Variants in MGST1 observed in about 807,000 individuals in gnomAD.
MGST1 encodes the protein microsomal glutathione S-transferase 1.
MGST1 carries 5 observed loss-of-function variants against 8.9 expected under a neutral mutation model. That is an observed-to-expected ratio of 0.56 (90% CI 0.29 to 1.19). The LOEUF (loss-of-function observed/expected upper bound fraction) is 1.19, where lower values mean the gene tolerates loss of function less well. MGST1 is among the 50% of genes most tolerant of loss of function. The probability of loss-of-function intolerance (pLI) is 0.08; values close to 1 mark genes in which losing one functional copy is unlikely to be tolerated. For synonymous variants in MGST1, 54 were observed against 67.8 expected (o/e 0.80, Z 1.00); for missense variants, 182 against 187.4 (o/e 0.97, Z 0.17).
At chr12:16,499,724 C>A (rs1378097071) in intron 4 of MGST1, among the ~76,000 whole-genome samples, 1 of 151,444 alleles carries the variant, frequency 6.6e-6, no homozygotes, top group Non-Finnish European at 1.5e-5. Context: ...ATCTTGTTTT[C>A]ATTTGCTCAA....
chr12:16,363,629 G>A lies in MGST1; in HGVS notation c.222-166G>A. 2.0e-6 allele frequency: 1 copy of A among 493,804 alleles called. No homozygotes were observed. Among genetic ancestry groups the A allele is most frequent in the Non-Finnish European group, 3.3e-6 (1 of 300,422 alleles). 30.6% of individuals were successfully genotyped at this position (493,804 alleles called of 1,614,324 possible). ...AAATAATGAGAGATTCTAAATAAAA[G>A]TCAAGTGGGCAAGGAAGCAAGACAA... On this transcript the variant is annotated intron_variant, in intron 3 of 3. Transcript: ENST00000396210. The surrounding 1 kb of genome is among the most constrained non-coding windows in gnomAD (Gnocchi z 4.6).
rs1942323051 is a variant in MGST1 at position 16,559,805 on chromosome 12, A to C, written n.483-29723A>C. Among the ~76,000 whole-genome samples, 1 of 151,596 alleles carries C rather than the reference A, an allele frequency of 6.6e-6. No individual in the cohort carries two copies. Among genetic ancestry groups the C allele is most frequent in the Non-Finnish European group, 1.5e-5 (1 of 67,894 alleles). Reference sequence around the variant, plus strand: ...ATCATCTCTATAAAAAATGAAAAAAAAAAAAAATTAGCCAGGCATGGGAGT... The same window carrying C: ...ATCATCTCTATAAAAAATGAAAAAACAAAAAAATTAGCCAGGCATGGGAGT... On this transcript the variant is annotated intron_variant and non_coding_transcript_variant, in intron 4 of 4. Transcript: ENST00000538857. The surrounding 1 kb of genome is among the most constrained non-coding windows in gnomAD (Gnocchi z 4.1).
At chr12:16,499,568 A>ACTGCATTCGGTG (rs1941491896) in intron 4 of MGST1, among the ~76,000 whole-genome samples, 1 of 152,066 alleles carries the variant, frequency 6.6e-6, no homozygotes, top group Non-Finnish European at 1.5e-5. Context: ...GGGTGCCATT[A>ACTGCATTCGGTG]CCAATATCTG....
At position 16,513,711 on chromosome 12, in the gene MGST1, A is replaced by C. The variant is rs572970473; in HGVS notation, n.483-75817A>C. The C allele has an allele frequency of 4.0e-5, 22 of 556,890 alleles. No homozygotes were observed. Among genetic ancestry groups the C allele is most frequent in the Admixed American group, 1.4e-4 (7 of 50,664 alleles). 34.5% of individuals were successfully genotyped at this position (556,890 alleles called of 1,614,324 possible). A position where few individuals can be genotyped will look rare whatever the true frequency, so the allele number is the denominator to read the frequency against. On this transcript the variant is annotated intron_variant and non_coding_transcript_variant, in intron 4 of 4. Transcript: ENST00000538857. The surrounding 1 kb of genome is among the most constrained non-coding windows in gnomAD (Gnocchi z 4.2). ...TGGCTGAATTTTGCAAGGCATCTGC[A>C]GAAGTAGCCTTGGGCGAGAATAGCG...
intron 4 of MGST1, among the ~76,000 whole-genome samples, chr12:16,501,704 T>C (rs2137168704): frequency 6.6e-6 from 1 of 152,302 alleles, no homozygotes; most frequent in Non-Finnish European, 1.5e-5. Flanking sequence ...TACTGTGTAA[T>C]GAAAATTCTT....
At chr12:16,426,800 A>G (rs1940893146) in intron 1 of MGST1, among the ~76,000 whole-genome samples, 1 of 151,850 alleles carries the variant, frequency 6.6e-6, no homozygotes, top group Non-Finnish European at 1.5e-5. Flanking sequence ...AAATACAAAA[A>G]CAACAACAAC....
intron 4 of MGST1, chr12:16,551,413 T>G: frequency 2.5e-6 from 2 of 796,378 alleles, no homozygotes; most frequent in Non-Finnish European, 4.2e-6. Flanking sequence ...TATTAATAGT[T>G]TCGCATGGTA....
intron 4 of MGST1, among the ~76,000 whole-genome samples, chr12:16,535,032 G>A (rs1156285858): frequency 6.6e-6 from 1 of 152,176 alleles, no homozygotes; most frequent in Non-Finnish European, 1.5e-5. Flanking sequence ...GACACTGAGT[G>A]CAGTGCCTGC....
intron 4 of MGST1, among the ~76,000 whole-genome samples, chr12:16,457,014 G>T (rs74740083): frequency 0.032 from 4,890 of 151,868 alleles, 215 homozygotes; most frequent in African/African-American, 0.1. Context: ...AACCTGACTT[G>T]TCACTCCGTG....
At chr12:16,520,250 G>A (rs976478273) in intron 4 of MGST1, among the ~76,000 whole-genome samples, 2 of 151,966 alleles carry the variant, frequency 1.3e-5, no homozygotes, top group Non-Finnish European at 2.9e-5. Flanking sequence ...TTAAAAGTTG[G>A]AAAACTAAAT....
intron 1 of MGST1, chr12:16,400,569 A>C (rs1264523273): frequency 1.1e-6 from 1 of 922,938 alleles, no homozygotes; most frequent in Admixed American, 1.7e-5. Flanking sequence ...TTCGGAAAGC[A>C]TTCTGAAGGT....
intron 4 of MGST1, among the ~76,000 whole-genome samples, chr12:16,528,789 A>G (rs558994569): frequency 1.2e-4 from 18 of 152,156 alleles, no homozygotes; most frequent in African/African-American, 3.6e-4. Flanking sequence ...TTACCATAAC[A>G]TATATAAGTA....
At chr12:16,506,722 G>A (rs1941539608) in intron 4 of MGST1, among the ~76,000 whole-genome samples, 1 of 152,112 alleles carries the variant, frequency 6.6e-6, no homozygotes, top group Admixed American at 6.6e-5. Flanking sequence ...GTAACAGAGA[G>A]CAAGCTTAAA....
chr12:16,446,393 G>A (rs1941079798), intron 4 of MGST1, among the ~76,000 whole-genome samples: 1 of 151,906 alleles, frequency 6.6e-6, no homozygotes, highest in Non-Finnish European at 1.5e-5. Flanking sequence ...TCCAGGAAAT[G>A]GAGAAATGAC....
intron 4 of MGST1, among the ~76,000 whole-genome samples, chr12:16,525,682 T>C (rs1941681744): frequency 6.7e-6 from 1 of 148,188 alleles, no homozygotes; most frequent in Non-Finnish European, 1.5e-5. Flanking sequence ...CTGGGTCAAA[T>C]GGTATTTCTA....
At chr12:16,578,113 A>G (rs1943050052) in intron 4 of MGST1, among the ~76,000 whole-genome samples, 1 of 152,160 alleles carries the variant, frequency 6.6e-6, no homozygotes, top group South Asian at 2.1e-4. Context: ...ATCGCCTCCC[A>G]GAAGTCTTGC....
chr12:16,401,565 A>G lies in MGST1; in HGVS notation n.778+17961A>G. The G allele has an allele frequency of 8.2e-7, 1 of 1,221,268 alleles. No homozygotes were observed. Among genetic ancestry groups the G allele is most frequent in the Non-Finnish European group, 1.2e-6 (1 of 825,210 alleles). 75.7% of individuals were successfully genotyped at this position (1,221,268 alleles called of 1,614,324 possible). ...GAGGATCAGCCATCAAAGTGCGAAC[A>G]GGTTGGAGCAATAAGACTCGAAGCG... is the stretch of plus-strand genomic sequence containing the variant. On this transcript the variant is annotated intron_variant and non_coding_transcript_variant, in intron 1 of 1. Coordinates refer to the MGST1 transcript ENST00000359720. The surrounding 1 kb of genome is among the most constrained non-coding windows in gnomAD (Gnocchi z 4.3).
chr12:16,524,172 A>T (rs1041939302), intron 4 of MGST1, among the ~76,000 whole-genome samples: 4 of 152,084 alleles, frequency 2.6e-5, no homozygotes, highest in Non-Finnish European at 4.4e-5. Flanking sequence ...CAGCATTTTA[A>T]AAAATGAGGA....
intron 4 of MGST1, among the ~76,000 whole-genome samples, chr12:16,479,303 G>C (rs1396828714): frequency 4.3e-5 from 6 of 138,182 alleles, no homozygotes; most frequent in Non-Finnish European, 9.1e-5. Flanking sequence ...GGCGCGATCT[G>C]GGCTCACTGC....
Sources: allele counts gnomAD v4.1 joint callset (sites outside exome capture counted in the v4.1 genomes callset), GRCh38; gene constraint gnomAD v4.1.1; non-coding constraint Gnocchi (gnomAD v3.1); transcripts MANE v1.5; gene names NCBI Gene and HGNC (gene_info 2026-07-23, HGNC 2026-07-21).